The following GRM1 variants were observed in gnomAD, a reference collection of about 807,000 sequenced individuals.
GRM1 encodes the protein metabotropic glutamate receptor 1.
Under a neutral mutation model 90.9 loss-of-function variants are expected in GRM1, and 33 were observed. The observed-to-expected ratio is 0.36, with a 90% CI of 0.28 to 0.49. The LOEUF (loss-of-function observed/expected upper bound fraction) is 0.49. Ranked by LOEUF, GRM1 falls within the 20% of genes least tolerant of loss-of-function variation. GRM1 has a pLI of 0.99. For missense variants in GRM1, 1,190 were observed against 1,534.3 expected (o/e 0.78, Z 3.75); for synonymous variants, 700 against 613.2 (o/e 1.14, Z -2.09).
chr6:146,062,763 A>G (rs1458850373), intron 1 of GRM1, among the ~76,000 whole-genome samples: 1 of 151,892 alleles, frequency 6.6e-6, no homozygotes, highest in African/African-American at 2.4e-5. Context: ...TTTTTGGTCG[A>G]TTACTCTGTT....
chr6:146,407,420 G>A (rs1777385885), intron 7 of GRM1, among the ~76,000 whole-genome samples: 1 of 152,120 alleles, frequency 6.6e-6, no homozygotes, highest in Non-Finnish European at 1.5e-5. Context: ...TCTCACCTGA[G>A]ACAGACCATG....
intron 1 of GRM1, among the ~76,000 whole-genome samples, chr6:146,063,044 G>A (rs1170300452): frequency 6.6e-6 from 1 of 152,056 alleles, no homozygotes; most frequent in Non-Finnish European, 1.5e-5. Context: ...CCAATCGGAT[G>A]TGATAGTCCA....
rs1172081822 is a variant in GRM1 at position 146,327,329 on chromosome 6, TG to T, written c.1186+22484del. ...AGGTTGTGTTTAGAGACAAAATAGG[TG>T]TTATGAAATTATGTTCTGTCTCTAG... is the stretch of plus-strand genomic sequence containing the variant. On this transcript the variant is annotated intron_variant, in intron 3 of 7. Coordinates refer to ENST00000282753, the MANE Select transcript of GRM1 (RefSeq NM_001278064.2). 2.6e-5 allele frequency among the ~76,000 whole-genome samples: 4 copies of T among 152,016 alleles called. No homozygotes were observed. In the East Asian group the frequency reaches 7.7e-4, roughly 29 times the overall value.
At chr6:146,239,384 C>T (rs1245685615) in intron 2 of GRM1, among the ~76,000 whole-genome samples, 2 of 152,172 alleles carry the variant, frequency 1.3e-5, no homozygotes, top group Admixed American at 1.3e-4. Flanking sequence ...ACACTATCTA[C>T]ACTGTGGCAT....
chr6:146,413,315 T>G (rs1486023000), intron 7 of GRM1, among the ~76,000 whole-genome samples: 2 of 152,158 alleles, frequency 1.3e-5, no homozygotes, highest in East Asian at 3.8e-4. Flanking sequence ...TTTTTCTTTT[T>G]CTATAAAGTC....
chr6:146,376,624 T>G (rs1776109400), intron 5 of GRM1, among the ~76,000 whole-genome samples: 1 of 152,118 alleles, frequency 6.6e-6, no homozygotes, highest in South Asian at 2.1e-4. Flanking sequence ...GCCTGTAAAG[T>G]TTCCACTGAG....
intron 1 of GRM1, among the ~76,000 whole-genome samples, chr6:146,073,755 G>A (rs1378194329): frequency 6.6e-6 from 1 of 152,022 alleles, no homozygotes; most frequent in East Asian, 1.9e-4. Context: ...ATTTGGAAAG[G>A]CACAGGGAAA....
chr6:146,389,254 T>C (rs1284884640), intron 6 of GRM1, among the ~76,000 whole-genome samples: 1 of 152,084 alleles, frequency 6.6e-6, no homozygotes, highest in African/African-American at 2.4e-5. Flanking sequence ...ATGAGGTTAA[T>C]CTTAGAAGTC....
At chr6:146,062,049 T>C (rs1775689844) in intron 1 of GRM1, among the ~76,000 whole-genome samples, 1 of 152,150 alleles carries the variant, frequency 6.6e-6, no homozygotes, top group Non-Finnish European at 1.5e-5. Flanking sequence ...CACGCACGTA[T>C]GTTTATTGCA....
intron 7 of GRM1, among the ~76,000 whole-genome samples, chr6:146,426,102 C>T (rs1250167169): frequency 6.6e-6 from 1 of 152,174 alleles, no homozygotes; most frequent in Non-Finnish European, 1.5e-5. Context: ...TATGAAGTGA[C>T]AGCAATGCAT....
intron 1 of GRM1, among the ~76,000 whole-genome samples, chr6:146,094,529 A>G (rs10457795): frequency 0.38 from 57,722 of 151,980 alleles, 11,528 homozygotes; most frequent in Middle Eastern, 0.52. Flanking sequence ...TTTTAATTAT[A>G]CTATTTGGTA....
chr6:146,129,517 G>C (rs942516846), intron 1 of GRM1, among the ~76,000 whole-genome samples: 3 of 152,200 alleles, frequency 2.0e-5, no homozygotes, highest in Non-Finnish European at 4.4e-5. Flanking sequence ...TCCATGGCAG[G>C]TGTTACTGCA....
At chr6:146,140,191 C>T (rs1307896322) in intron 1 of GRM1, among the ~76,000 whole-genome samples, 4 of 134,582 alleles carry the variant, frequency 3.0e-5, no homozygotes, top group Non-Finnish European at 4.7e-5. Flanking sequence ...TTCCTGTCTA[C>T]ATTTTAGTGA....
At chr6:146,062,959 A>G (rs917074809) in intron 1 of GRM1, among the ~76,000 whole-genome samples, 2 of 152,094 alleles carry the variant, frequency 1.3e-5, no homozygotes, top group African/African-American at 4.8e-5. Context: ...TTTTTGTGCT[A>G]TAAATGTTCT....
intron 3 of GRM1, among the ~76,000 whole-genome samples, chr6:146,339,626 T>C (rs1366948465): frequency 6.6e-6 from 1 of 152,180 alleles, no homozygotes; most frequent in African/African-American, 2.4e-5. Context: ...GAGTTATCAG[T>C]CATTCACTAT....
At chr6:146,095,851 C>T (rs912233457) in intron 1 of GRM1, among the ~76,000 whole-genome samples, 2 of 152,138 alleles carry the variant, frequency 1.3e-5, no homozygotes, top group African/African-American at 4.8e-5. Context: ...CTTAGCATCT[C>T]TAAAACATCT....
At chr6:146,146,576 C>G (rs1777115841) in intron 1 of GRM1, among the ~76,000 whole-genome samples, 1 of 152,066 alleles carries the variant, frequency 6.6e-6, no homozygotes, top group Non-Finnish European at 1.5e-5. Flanking sequence ...TGAACATCCC[C>G]TCTGAAACTA....
intron 3 of GRM1, among the ~76,000 whole-genome samples, chr6:146,346,655 C>G (rs931281921): frequency 1.3e-5 from 2 of 152,082 alleles, no homozygotes; most frequent in Non-Finnish European, 2.9e-5. Context: ...GGCACTTTAT[C>G]CCTTTGAGGT....
At chr6:146,347,722 C>G (rs1785233579) in intron 3 of GRM1, among the ~76,000 whole-genome samples, 1 of 152,188 alleles carries the variant, frequency 6.6e-6, no homozygotes, top group Non-Finnish European at 1.5e-5. Context: ...GCAGCAGTTA[C>G]ATGAATGTGT....
Sources: gnomAD v4.1 joint callset for allele counts (sites outside exome capture counted in the v4.1 genomes callset) on GRCh38, gnomAD v4.1.1 for gene constraint, MANE v1.5 for transcripts, NCBI Gene and HGNC (gene_info 2026-07-23, HGNC 2026-07-21) for gene names.